TINAG: variants seen among roughly 807,000 people sequenced by gnomAD.
TINAG encodes the protein tubulointerstitial nephritis antigen.
Under a neutral mutation model 72.7 loss-of-function variants are expected in TINAG, and 83 were observed. That is an observed-to-expected ratio of 1.14 (90% CI 0.96 to 1.37). The LOEUF is 1.37. Among genes scored for constraint, TINAG ranks in the 40% most tolerant of loss-of-function variants. The pLI is 0.00. For synonymous variants in TINAG, 234 were observed against 189.9 expected, an observed-to-expected ratio of 1.23 and a Z score of -1.91; for missense variants, 685 against 576.6, an observed-to-expected ratio of 1.19 and a Z score of -1.93.
intron 4 of TINAG, among the ~76,000 whole-genome samples, chr6:54,340,266 G>C (rs141673133): frequency 1.4e-3 from 209 of 151,964 alleles, no homozygotes; most frequent in Admixed American, 3.9e-3. Flanking sequence ...ACAATGAAAA[G>C]AATTAAGCAT....
chr6:54,348,729 A>G (rs1415512499), intron 6 of TINAG, among the ~76,000 whole-genome samples: 1 of 152,160 alleles, frequency 6.6e-6, no homozygotes, highest in Non-Finnish European at 1.5e-5. Context: ...ATTGGGTATA[A>G]GTGCTTCAAC....
chr6:54,333,062 G>C (rs7751509), intron 4 of TINAG, among the ~76,000 whole-genome samples: 68,888 of 151,884 alleles, frequency 0.45, 16,901 homozygotes, highest in Middle Eastern at 0.58. Context: ...CAGTGGGGCA[G>C]TTCCTCAAAG....
chr6:54,310,803 T>A (rs896122804), intron 1 of TINAG, among the ~76,000 whole-genome samples: 3 of 149,832 alleles, frequency 2.0e-5, no homozygotes, highest in African/African-American at 7.4e-5. Flanking sequence ...TTTTTCTCTC[T>A]CTCTTTCTCT....
At position 54,317,920 on chromosome 6, in the gene TINAG, T is replaced by C. The variant is rs571375395; in HGVS notation, c.356-2659T>C. Among the ~76,000 whole-genome samples, 27 of 152,252 alleles carry C rather than the reference T, an allele frequency of 1.8e-4. No individual in the cohort carries two copies. The East Asian group carries it at 4.8e-3, about 27-fold the overall frequency. ...TACATTACCAAATGCAATATTCAGATGTCTGTTTTTGTGTTCTTGGCCTCT... is the reference window on the plus strand; with the variant it reads ...TACATTACCAAATGCAATATTCAGACGTCTGTTTTTGTGTTCTTGGCCTCT... On this transcript the variant is annotated intron_variant, in intron 1 of 10. Transcript: ENST00000259782.
chr6:54,364,904 T>C (rs1232287079), intron 9 of TINAG, among the ~76,000 whole-genome samples: 1 of 151,456 alleles, frequency 6.6e-6, no homozygotes, highest in Non-Finnish European at 1.5e-5. Flanking sequence ...ACAAATAAAT[T>C]TTAAGAAATC....
chr6:54,322,282 T>A (rs558348762), intron 3 of TINAG, among the ~76,000 whole-genome samples: 4 of 151,586 alleles, frequency 2.6e-5, no homozygotes, highest in Non-Finnish European at 5.9e-5. Flanking sequence ...CACTCCAGCA[T>A]GGGAATCGGG....
intron 4 of TINAG, among the ~76,000 whole-genome samples, chr6:54,340,781 A>G (rs1377084881): frequency 6.6e-6 from 1 of 152,028 alleles, no homozygotes; most frequent in African/African-American, 2.4e-5. Flanking sequence ...TTGTTTCACT[A>G]TTGCCTTGTC....
intron 1 of TINAG, among the ~76,000 whole-genome samples, chr6:54,316,752 C>A (rs1365241221): frequency 6.6e-6 from 1 of 152,038 alleles, no homozygotes; most frequent in Non-Finnish European, 1.5e-5. Flanking sequence ...TTATAGACAA[C>A]ATATCATCAT....
rs147601295 is a variant in TINAG at position 54,355,500 on chromosome 6, C to G, written c.1250+864C>G. Among the ~76,000 whole-genome samples, 5 of 151,944 alleles carry G rather than the reference C, an allele frequency of 3.3e-5. No individual in the cohort carries two copies. The East Asian group carries it at 7.8e-4, about 24-fold the overall frequency. ...GTTCTAAGCTATGTAGACAAGCTGT[C>G]CTGTGTGATGCTTCCTTAATCGTTG... On this transcript the variant is annotated intron_variant, in intron 9 of 10. Coordinates refer to ENST00000259782, the MANE Select transcript of TINAG (RefSeq NM_014464.4).
At chr6:54,350,708 C>A (rs1340417684) in intron 7 of TINAG, among the ~76,000 whole-genome samples, 5 of 149,192 alleles carry the variant, frequency 3.4e-5, no homozygotes, top group African/African-American at 1.2e-4. Context: ...TTCTCTGTGA[C>A]GTTTTCCTTG....
At chr6:54,355,228 C>T (rs971829536) in intron 9 of TINAG, among the ~76,000 whole-genome samples, 8 of 151,914 alleles carry the variant, frequency 5.3e-5, no homozygotes, top group African/African-American at 1.7e-4. Flanking sequence ...ACTTTCCCAG[C>T]GCCTTCTCAA....
chr6:54,339,479 A>G (rs1784946688), intron 4 of TINAG, among the ~76,000 whole-genome samples: 1 of 152,200 alleles, frequency 6.6e-6, no homozygotes, highest in Non-Finnish European at 1.5e-5. Context: ...CTCTTAAGGA[A>G]AGATCTCAGA....
intron 5 of TINAG, among the ~76,000 whole-genome samples, chr6:54,345,708 C>G (rs939875022): frequency 5.9e-5 from 9 of 151,910 alleles, no homozygotes; most frequent in African/African-American, 2.2e-4. Context: ...TGAAATATAT[C>G]CTAGTGCAAT....
At chr6:54,339,590 C>G (rs1280242024) in intron 4 of TINAG, among the ~76,000 whole-genome samples, 1 of 152,042 alleles carries the variant, frequency 6.6e-6, no homozygotes, top group Non-Finnish European at 1.5e-5. Flanking sequence ...AATTACATTA[C>G]ATATTGATCT....
intron 1 of TINAG, among the ~76,000 whole-genome samples, chr6:54,314,252 G>A (rs1026823306): frequency 1.3e-5 from 2 of 152,142 alleles, no homozygotes; most frequent in Non-Finnish European, 2.9e-5. Flanking sequence ...TTTGTCATTA[G>A]CCACGAGGCT....
intron 7 of TINAG, 53 bp downstream of exon 7, chr6:54,349,949 G>T: frequency 8.1e-7 from 1 of 1,240,836 alleles, no homozygotes; most frequent in South Asian, 2.5e-5. Flanking sequence ...AATGTATATA[G>T]CTCTACTGTA....
At chr6:54,375,667 T>C (rs768618292) in intron 9 of TINAG, among the ~76,000 whole-genome samples, 28 of 152,172 alleles carry the variant, frequency 1.8e-4, no homozygotes, top group South Asian at 6.2e-4. Flanking sequence ...CAAATATCTA[T>C]TTAGGGTCAA....
chr6:54,337,333 A>T (rs7738644), intron 4 of TINAG, among the ~76,000 whole-genome samples: 11,128 of 146,536 alleles, frequency 0.076, 1,027 homozygotes, highest in African/African-American at 0.22. Context: ...GCTTCCTGCA[A>T]CCTCTGCCTC....
intron 9 of TINAG, among the ~76,000 whole-genome samples, chr6:54,378,610 A>G (rs1000830622): frequency 2.6e-5 from 4 of 152,180 alleles, no homozygotes; most frequent in African/African-American, 7.2e-5. Context: ...AATAGTTCGT[A>G]TTTCTTAAAA....
Sources: allele counts gnomAD v4.1 joint callset (sites outside exome capture counted in the v4.1 genomes callset), GRCh38; gene constraint gnomAD v4.1.1; transcripts MANE v1.5; gene names NCBI Gene and HGNC (gene_info 2026-07-23, HGNC 2026-07-21).